The following ZNF423 variants were observed in gnomAD, a reference collection of about 807,000 sequenced individuals.
The protein encoded by ZNF423 is Ebf-associated zinc finger protein.
ZNF423 carries 12 observed loss-of-function variants against 95.8 expected under a neutral mutation model. That is an observed-to-expected ratio of 0.13 (90% CI 0.08 to 0.20). The LOEUF (loss-of-function observed/expected upper bound fraction) is 0.20. Among genes scored for constraint, ZNF423 ranks in the 10% least tolerant of loss-of-function variants. The pLI is 1.00. For synonymous variants in ZNF423, 749 were observed against 711.9 expected (o/e 1.05, Z -0.83); for missense variants, 1,316 against 1,737.1 (o/e 0.76, Z 4.31).
At chr16:49,795,355 A>G (rs111615141) in intron 1 of ZNF423, among the ~76,000 whole-genome samples, 3 of 152,178 alleles carry the variant, frequency 2.0e-5, no homozygotes, top group African/African-American at 7.2e-5. Flanking sequence ...GCAGAAGGTC[A>G]CACATGCCAA....
chr16:49,815,906 ATATATATATTT>A (rs2034843476), intron 1 of ZNF423, among the ~76,000 whole-genome samples: 13 of 42,686 alleles, frequency 3.0e-4, no homozygotes, highest in Non-Finnish European at 3.5e-4. Context: ...ATATATATAT[ATATATATATTT>A]TTTTTTTTTT....
chr16:49,546,602 C>T (rs571243029), intron 5 of ZNF423, among the ~76,000 whole-genome samples: 18 of 152,274 alleles, frequency 1.2e-4, no homozygotes, highest in Admixed American at 1.1e-3. Flanking sequence ...AACTCGAGGG[C>T]AAGACATCAG....
At chr16:49,704,342 T>A (rs887966465) in intron 3 of ZNF423, among the ~76,000 whole-genome samples, 1 of 152,182 alleles carries the variant, frequency 6.6e-6, no homozygotes, top group Non-Finnish European at 1.5e-5. Context: ...ACCTCCCTCC[T>A]CTGGGTCCCT....
At chr16:49,538,937 A>T (rs1161811091) in intron 5 of ZNF423, among the ~76,000 whole-genome samples, 1 of 152,226 alleles carries the variant, frequency 6.6e-6, no homozygotes, top group African/African-American at 2.4e-5. Context: ...ACATTATCTG[A>T]GGATGAAAAA....
At chr16:49,770,099 T>A (rs2034006087) in intron 2 of ZNF423, among the ~76,000 whole-genome samples, 1 of 152,198 alleles carries the variant, frequency 6.6e-6, no homozygotes, top group Admixed American at 6.5e-5. Flanking sequence ...GACTGTGAGC[T>A]CTGAGCACAG....
chr16:49,794,409 C>T (rs186838047), intron 1 of ZNF423, among the ~76,000 whole-genome samples: 86 of 152,194 alleles, frequency 5.7e-4, no homozygotes, highest in African/African-American at 1.9e-3. Flanking sequence ...CATCCCATTT[C>T]CTCTCCTGTC....
intron 3 of ZNF423, among the ~76,000 whole-genome samples, chr16:49,700,682 A>T (rs1184700421): frequency 1.3e-5 from 2 of 152,222 alleles, no homozygotes; most frequent in Non-Finnish European, 2.9e-5. Flanking sequence ...CAATTGCTTA[A>T]TTAATCAGCC....
rs1469740645 is a variant in ZNF423 at position 49,637,382 on chromosome 16, G to A, written c.1794C>T (p.Asn598=). 3 of 1,614,120 alleles carry A rather than the reference G, an allele frequency of 1.9e-6. No homozygotes were observed. Among genetic ancestry groups the A allele is most frequent in the African/African-American group, 1.3e-5 (1 of 74,938 alleles). ...ACTTCTTGCTGTGGGCCAGTGGAAT[G>A]TTCTTGTGGTTCTCCTTGATGTGCT... is the stretch of plus-strand genomic sequence containing the variant. ...LTKHIKENHK[N]IPLAHSKKSK... The change falls in exon 4 of 8, where the codon AAC becomes AAT. Residue 598 remains asparagine, a synonymous_variant. Transcript: ENST00000563137. This position sits in a 1 kb window ranked among gnomAD's most constrained non-coding sequence, Gnocchi z 5.6.
intron 7 of ZNF423, among the ~76,000 whole-genome samples, chr16:49,504,019 A>C (rs553159450): frequency 6.6e-6 from 1 of 152,282 alleles, no homozygotes; most frequent in African/African-American, 2.4e-5. Context: ...TTATTATATG[A>C]TTTCTCTTGT....
intron 2 of ZNF423, among the ~76,000 whole-genome samples, chr16:49,784,584 G>A (rs2034278910): frequency 1.3e-5 from 2 of 152,166 alleles, no homozygotes; most frequent in Non-Finnish European, 2.9e-5. Context: ...AGTGAAAGAA[G>A]CTAGTCAATG....
intron 1 of ZNF423, among the ~76,000 whole-genome samples, chr16:49,799,234 C>T (rs771557880): frequency 2.0e-5 from 3 of 152,138 alleles, no homozygotes; most frequent in Admixed American, 6.5e-5. Flanking sequence ...TGAGATGATA[C>T]CCCAAAGCAC....
In ZNF423 at chr16:49,834,914, T is replaced by C. The variant is rs374940394; in HGVS notation, c.40+20821A>G. Among the ~76,000 whole-genome samples, 33 of 151,602 alleles carry C rather than the reference T, an allele frequency of 2.2e-4. No individual in the cohort carries two copies. In the East Asian group the frequency reaches 4.1e-3, roughly 19 times the overall value. Reference sequence around the variant, plus strand: ...AGGGCTGGGGGAGGGGCCAAGGAGCTTGAGAAGGCACCCAGGGGGAGGGGA... The same window carrying C: ...AGGGCTGGGGGAGGGGCCAAGGAGCCTGAGAAGGCACCCAGGGGGAGGGGA... On this transcript the variant is annotated intron_variant, in intron 1 of 7. Coordinates refer to ENST00000563137, the MANE Select transcript of ZNF423 (RefSeq NM_001379286.1).
intron 2 of ZNF423, among the ~76,000 whole-genome samples, chr16:49,754,810 T>C (rs1413513975): frequency 6.6e-6 from 1 of 152,212 alleles, no homozygotes; most frequent in Non-Finnish European, 1.5e-5. Flanking sequence ...GAAAAAACTT[T>C]TTTTGCCAAC....
rs1437276013 is a variant in ZNF423 at position 49,488,015 on chromosome 16, CCA to C, written c.*3258_*3259del. 2.6e-5 allele frequency: 4 copies of C among 152,180 alleles called. No homozygotes were observed. The highest frequency in any genetic ancestry group is 2.0e-4 in the Admixed American group (3 of 15,288). 9.4% of individuals were successfully genotyped at this position (152,180 alleles called of 1,614,324 possible). On this transcript the variant is annotated 3_prime_UTR_variant, in exon 8 of 8. Coordinates refer to ENST00000563137, the MANE Select transcript of ZNF423 (RefSeq NM_001379286.1). ...ACTGTGGCCTCCATGAGGCCAGGGA[CCA>C]CATCTGCTGGTCATCTCCTTATCCC...
intron 1 of ZNF423, chr16:49,822,670 C>T (rs776265059): frequency 6.2e-7 from 1 of 1,611,860 alleles, no homozygotes; most frequent in Non-Finnish European, 8.5e-7. Context: ...CCCTGCTCAC[C>T]CCTCTTCTTA....
At chr16:49,775,563 G>T (rs1021847981) in intron 2 of ZNF423, among the ~76,000 whole-genome samples, 2 of 152,212 alleles carry the variant, frequency 1.3e-5, no homozygotes, top group African/African-American at 4.8e-5. Context: ...TTATAATGGT[G>T]CCACAAGGTA....
intron 3 of ZNF423, among the ~76,000 whole-genome samples, chr16:49,659,902 C>T (rs2030113510): frequency 6.6e-6 from 1 of 152,244 alleles, no homozygotes; most frequent in African/African-American, 2.4e-5. Context: ...GCACCCAGCA[C>T]ACAGTAGGCC....
Position 49,726,856 on chromosome 16 carries a change from CAAA to C in ZNF423, c.301+3912_301+3914del, listed in dbSNP as rs368675702. ...ATTTAAAAGACAGAGTTCCCCCTAG[CAAA>C]AAAAAAAAAAAAAAAAAAAAAAAAT... On this transcript the variant is annotated intron_variant, in intron 3 of 7. Coordinates refer to ENST00000563137, the MANE Select transcript of ZNF423 (RefSeq NM_001379286.1). Among the ~76,000 whole-genome samples, 34 of 94,750 alleles carry C rather than the reference CAAA, an allele frequency of 3.6e-4. 1 individual carries two copies. The highest frequency in any genetic ancestry group is 1.4e-3 in the Admixed American group (10 of 7,204). The allele number at this position is 94,750 out of a possible 152,430, so 62.2% of individuals were successfully genotyped here.
chr16:49,699,366 A>G (rs1334620581), intron 3 of ZNF423, among the ~76,000 whole-genome samples: 1 of 152,232 alleles, frequency 6.6e-6, no homozygotes, highest in Non-Finnish European at 1.5e-5. Flanking sequence ...TTGGAAATAA[A>G]TAAATAAATG....
Sources: allele counts gnomAD v4.1 joint callset (sites outside exome capture counted in the v4.1 genomes callset), GRCh38; gene constraint gnomAD v4.1.1; non-coding constraint Gnocchi (gnomAD v3.1); transcripts MANE v1.5; gene names NCBI Gene and HGNC (gene_info 2026-07-23, HGNC 2026-07-21).